Variants in SRCIN1 observed in about 807,000 individuals in gnomAD.
SRCIN1 encodes the protein SRC kinase signaling inhibitor 1, also known as P130Cas-associated protein.
A neutral mutation model predicts 116.2 loss-of-function variants in SRCIN1; 50 were observed. The observed-to-expected ratio is 0.43, with a 90% CI of 0.34 to 0.54. SRCIN1 has a LOEUF of 0.54. SRCIN1 is among the 20% of genes least tolerant of loss of function. The pLI, the probability that SRCIN1 is intolerant of heterozygous loss-of-function variation, is 0.02. For synonymous variants in SRCIN1, 736 were observed against 750.0 expected (o/e 0.98, Z 0.30); for missense variants, 1,446 against 1,672.0 (o/e 0.86, Z 2.36).
intron 14 of SRCIN1, 131 bp downstream of exon 14, chr17:38,551,755 C>A: frequency 6.8e-7 from 1 of 1,469,466 alleles, no homozygotes; most frequent in Non-Finnish European, 9.4e-7. Context: ...CTTAGGCTTC[C>A]ATTAGGGCAC....
rs1341051498 is a variant in SRCIN1 at position 38,568,266 on chromosome 17, G to A, written c.325-35C>T. 6.2e-7 allele frequency: 1 copy of A among 1,610,120 alleles called. No individual in the cohort carries two copies. The highest frequency in any genetic ancestry group is 8.5e-7 in the Non-Finnish European group (1 of 1,178,154). On this transcript the variant is annotated intron_variant, in intron 2 of 18. Transcript: ENST00000617146. This position sits in a 1 kb window ranked among gnomAD's most constrained non-coding sequence, Gnocchi z 4.5. ...GAAATAAGAGAAGAGATGGTTATGAGGGGGCCCAGGAGGGGAAAAGAGGGG... is the reference window on the plus strand; with the variant it reads ...GAAATAAGAGAAGAGATGGTTATGAAGGGGCCCAGGAGGGGAAAAGAGGGG...
At chr17:38,603,042 G>C (rs1023480661) in intron 1 of SRCIN1, among the ~76,000 whole-genome samples, 19 of 152,108 alleles carry the variant, frequency 1.2e-4, no homozygotes, top group Admixed American at 1.2e-3. Flanking sequence ...TCCAAGGTTG[G>C]CATAGGCAGA....
chr17:38,551,693 C>A, intron 14 of SRCIN1, 193 bp downstream of exon 14: 1 of 842,632 alleles, frequency 1.2e-6, no homozygotes, highest in Non-Finnish European at 1.8e-6. Flanking sequence ...ATTATTGTAG[C>A]TTTATAATAC....
intron 11 of SRCIN1, among the ~76,000 whole-genome samples, chr17:38,557,217 G>A (rs35756459): frequency 0.037 from 5,584 of 152,336 alleles, 325 homozygotes; most frequent in African/African-American, 0.13. Flanking sequence ...CAAGGAGCCC[G>A]TCGCAAGAGG....
At chr17:38,555,590 GAA>G (rs1216926617) in intron 11 of SRCIN1, among the ~76,000 whole-genome samples, 1 of 152,060 alleles carries the variant, frequency 6.6e-6, no homozygotes, top group Non-Finnish European at 1.5e-5. Flanking sequence ...TTAAAAAAAG[GAA>G]AAAAAGATAT....
At chr17:38,569,286 A>G (rs1906921490) in intron 2 of SRCIN1, among the ~76,000 whole-genome samples, 1 of 152,208 alleles carries the variant, frequency 6.6e-6, no homozygotes, top group Non-Finnish European at 1.5e-5. Flanking sequence ...GGTTCTTGGC[A>G]AAGCCAAGGC....
chr17:38,594,806 C>T (rs1908635399), intron 1 of SRCIN1, among the ~76,000 whole-genome samples: 1 of 152,132 alleles, frequency 6.6e-6, no homozygotes, highest in African/African-American at 2.4e-5. Context: ...TCCAATGCTC[C>T]AGGCTGCTGG....
intron 1 of SRCIN1, among the ~76,000 whole-genome samples, chr17:38,588,255 T>A (rs1231835411): frequency 1.3e-5 from 2 of 152,178 alleles, no homozygotes; most frequent in Non-Finnish European, 2.9e-5. Flanking sequence ...TTTTGGCTTC[T>A]AATGAAGATC....
chr17:38,550,861 C>T (rs918633529), intron 15 of SRCIN1, among the ~76,000 whole-genome samples: 1 of 152,256 alleles, frequency 6.6e-6, no homozygotes, highest in Non-Finnish European at 1.5e-5. Flanking sequence ...TGGTTTGGGG[C>T]ATGTGCCCAG....
chr17:38,589,407 G>C (rs1438494235), intron 1 of SRCIN1, among the ~76,000 whole-genome samples: 4 of 152,220 alleles, frequency 2.6e-5, no homozygotes, highest in Non-Finnish European at 4.4e-5. Flanking sequence ...TGCATCTCCA[G>C]CTTGGGGTGA....
chr17:38,548,832 G>A (rs1567855769), intron 16 of SRCIN1, 123 bp from the exon 17 acceptor site: 1 of 1,368,614 alleles, frequency 7.3e-7, no homozygotes, highest in Non-Finnish European at 9.6e-7. Context: ...CTACACCCCT[G>A]CCAGGGTGTC....
intron 18 of SRCIN1, among the ~76,000 whole-genome samples, chr17:38,539,336 T>C (rs1302652866): frequency 6.6e-6 from 1 of 152,190 alleles, no homozygotes; most frequent in Non-Finnish European, 1.5e-5. Flanking sequence ...GTGATCCTCC[T>C]GTCTTAGCCT....
chr17:38,548,983 G>T, intron 16 of SRCIN1, 73 bp downstream of exon 16: 1 of 1,525,434 alleles, frequency 6.6e-7, no homozygotes, highest in East Asian at 2.3e-5. Flanking sequence ...CCACCCCAGA[G>T]GGCCTCCAGA....
intron 2 of SRCIN1, among the ~76,000 whole-genome samples, chr17:38,571,279 C>A (rs1436776795): frequency 6.6e-6 from 1 of 152,206 alleles, no homozygotes; most frequent in Non-Finnish European, 1.5e-5. Flanking sequence ...GTGTCTGTTC[C>A]TCCTGCTGTG....
chr17:38,596,524 C>T (rs571104367), intron 1 of SRCIN1, among the ~76,000 whole-genome samples: 1 of 152,288 alleles, frequency 6.6e-6, no homozygotes, highest in Non-Finnish European at 1.5e-5. Context: ...CAGGGGCAGA[C>T]ACTTTACTGA....
Position 38,543,985 on chromosome 17 carries a change from C to A in SRCIN1, c.3271-16G>T, listed in dbSNP as rs1163203812. ...CTCCGCCACTCTGCAGGAAGAGGAA[C>A]AGGGTTGCAGTTGCAGAGTCCACAT... is the stretch of plus-strand genomic sequence containing the variant. On this transcript the variant is annotated splice_polypyrimidine_tract_variant and intron_variant, in intron 17 of 18. Coordinates refer to ENST00000617146, the MANE Select transcript of SRCIN1 (RefSeq NM_025248.3). The A allele has an allele frequency of 1.9e-6, 3 of 1,568,922 alleles. No individual in the cohort carries two copies. Among genetic ancestry groups the A allele is most frequent in the Non-Finnish European group, 2.6e-6 (3 of 1,163,606 alleles).
intron 9 of SRCIN1, 70 bp from the exon 10 acceptor site, chr17:38,559,842 A>G: frequency 6.9e-7 from 1 of 1,451,046 alleles, no homozygotes; most frequent in Admixed American, 2.5e-5. Context: ...GCTGGGACAA[A>G]GTCCTCCCTA....
intron 1 of SRCIN1, among the ~76,000 whole-genome samples, chr17:38,580,066 G>A (rs1907697589): frequency 6.6e-6 from 1 of 152,140 alleles, no homozygotes; most frequent in South Asian, 2.1e-4. Context: ...CCCCCGTGTG[G>A]CCTGACTCAT....
At chr17:38,554,143 G>A (rs1026850536) in intron 11 of SRCIN1, among the ~76,000 whole-genome samples, 31 of 152,082 alleles carry the variant, frequency 2.0e-4, no homozygotes, top group South Asian at 1.2e-3. Context: ...CCCAGGAGGC[G>A]GAGGTTGCAG....
Sources: allele counts gnomAD v4.1 joint callset (sites outside exome capture counted in the v4.1 genomes callset), GRCh38; gene constraint gnomAD v4.1.1; non-coding constraint Gnocchi (gnomAD v3.1); transcripts MANE v1.5; gene names NCBI Gene and HGNC (gene_info 2026-07-23, HGNC 2026-07-21).